The following NYAP2 variants were observed in gnomAD, a reference collection of about 807,000 sequenced individuals.
The protein encoded by NYAP2 is neuronal tyrosine-phosphorylated phosphoinositide-3-kinase adaptor 2.
Under a neutral mutation model 50.4 loss-of-function variants are expected in NYAP2, and 23 were observed. The observed-to-expected ratio is 0.46, with a 90% confidence interval of 0.33 to 0.65. NYAP2 has a LOEUF of 0.65. Among genes scored for constraint, NYAP2 ranks in the 30% least tolerant of loss-of-function variants. NYAP2 has a pLI of 0.02. For synonymous variants in NYAP2, 394 were observed against 365.2 expected, an observed-to-expected ratio of 1.08 and a Z score of -0.90; for missense variants, 885 against 861.0, an observed-to-expected ratio of 1.03 and a Z score of -0.35.
At chr2:225,670,600 T>C in the NYAP2 span, among the ~76,000 whole-genome samples, 2 of 87,538 alleles carry the variant, frequency 2.3e-5, no homozygotes, top group East Asian at 5.8e-4. Context: ...GTCTTCAGTA[T>C]TTTCCAAAAA....
At chr2:225,675,140 AAAATTTCAACTTTTATTATAGTTT>A in the NYAP2 span, among the ~76,000 whole-genome samples, 2 of 152,136 alleles carry the variant, frequency 1.3e-5, no homozygotes, top group African/African-American at 2.4e-5. Context: ...GAACTTTTTA[AAAATTTCAACTTTTATTATAGTTT>A]AAAGTATACA....
At chr2:225,424,238 GT>G (rs1020153950) in intron 3 of NYAP2, among the ~76,000 whole-genome samples, 1 of 152,058 alleles carries the variant, frequency 6.6e-6, no homozygotes, top group Non-Finnish European at 1.5e-5. Flanking sequence ...TAAAATTTAA[GT>G]TTTTATCAAA....
chr2:225,646,005 T>A (rs1362220960), intron 6 of NYAP2, among the ~76,000 whole-genome samples: 4 of 152,228 alleles, frequency 2.6e-5, no homozygotes, highest in African/African-American at 7.2e-5. Flanking sequence ...CAATTGCACT[T>A]TGATGTCACA....
chr2:225,473,701 G>A (rs1383119291), intron 3 of NYAP2, among the ~76,000 whole-genome samples: 2 of 152,106 alleles, frequency 1.3e-5, no homozygotes, highest in African/African-American at 4.8e-5. Context: ...TGTAGATTCT[G>A]GATATTAGCC....
At chr2:225,409,931 T>C (rs1695006795) in intron 3 of NYAP2, among the ~76,000 whole-genome samples, 1 of 152,110 alleles carries the variant, frequency 6.6e-6, no homozygotes, top group African/African-American at 2.4e-5. Context: ...TCCATATCAA[T>C]TAGCTTGATA....
intron 4 of NYAP2, among the ~76,000 whole-genome samples, chr2:225,548,570 G>A (rs1691622091): frequency 6.6e-6 from 1 of 151,212 alleles, no homozygotes; most frequent in Non-Finnish European, 1.5e-5. Context: ...TGCTCGGTGG[G>A]AGCAAACGAA....
Position 225,582,173 on chromosome 2 carries a change from T to G in NYAP2, c.756T>G (p.Ile252Met). 1 of 1,613,954 alleles carries G rather than the reference T, an allele frequency of 6.2e-7. No individual in the cohort carries two copies. The highest frequency in any genetic ancestry group is 8.5e-7 in the Non-Finnish European group (1 of 1,179,874). ...TGTACATCGAGATGGTGGGGAACAT[T>G]CTCAGAGACTTCAGGAAGGAGGACG... The change falls in exon 5 of 7, where the codon ATT becomes ATG. Residue 252 changes from isoleucine (I) to methionine (M), a missense_variant. Coordinates refer to ENST00000636099, the Ensembl canonical transcript of NYAP2. This position sits in a 1 kb window ranked among gnomAD's most constrained non-coding sequence, Gnocchi z 7.0.
chr2:225,486,562 G>T (rs982043144), intron 3 of NYAP2, among the ~76,000 whole-genome samples: 1 of 152,156 alleles, frequency 6.6e-6, no homozygotes, highest in African/African-American at 2.4e-5. Flanking sequence ...AAATCCCACT[G>T]ATTTTCTCCA....
At chr2:225,530,136 G>T (rs74646638) in intron 4 of NYAP2, among the ~76,000 whole-genome samples, 12,391 of 152,128 alleles carry the variant, frequency 0.081, 633 homozygotes, top group Non-Finnish European at 0.12. Flanking sequence ...ACTTTTTCTT[G>T]TTTATACTGC....
exon 4 of NYAP2, chr2:225,513,589 C>T (rs1690873702): frequency 6.3e-7 from 1 of 1,593,514 alleles, no homozygotes; most frequent in Non-Finnish European, 8.6e-7. Flanking sequence ...AAGAGGGACC[C>T]CAGCACCAAG....
intron 6 of NYAP2, among the ~76,000 whole-genome samples, chr2:225,635,147 A>G (rs929437193): frequency 2.0e-5 from 3 of 152,328 alleles, no homozygotes; most frequent in Middle Eastern, 3.4e-3. Context: ...CCATGCACAC[A>G]AGTTTGGAGA....
chr2:225,468,303 T>A (rs1023132178), intron 3 of NYAP2, among the ~76,000 whole-genome samples: 3 of 151,896 alleles, frequency 2.0e-5, no homozygotes, highest in Non-Finnish European at 2.9e-5. Flanking sequence ...AGGCAGAGAT[T>A]GGAATGATGT....
intron 4 of NYAP2, among the ~76,000 whole-genome samples, chr2:225,575,297 A>C (rs1692152329): frequency 6.6e-6 from 1 of 152,156 alleles, no homozygotes; most frequent in Non-Finnish European, 1.5e-5. Flanking sequence ...CTGAGTACCA[A>C]AACCGGTGTA....
chr2:225,611,404 T>C (rs952853109), intron 5 of NYAP2, among the ~76,000 whole-genome samples: 1 of 152,102 alleles, frequency 6.6e-6, no homozygotes, highest in Non-Finnish European at 1.5e-5. Context: ...TCTGACCAGC[T>C]CTGTCTCTTC....
chr2:225,680,259 T>C, the NYAP2 span, among the ~76,000 whole-genome samples: 2 of 152,180 alleles, frequency 1.3e-5, no homozygotes, highest in Non-Finnish European at 2.9e-5. Context: ...TCTGGCAGAA[T>C]GTAATGTGTT....
chr2:225,435,481 A>G (rs1334896062), intron 3 of NYAP2, among the ~76,000 whole-genome samples: 3 of 152,220 alleles, frequency 2.0e-5, no homozygotes, highest in Non-Finnish European at 4.4e-5. Flanking sequence ...AATTGGCTTA[A>G]GTTTTTAATT....
chr2:225,409,840 A>G (rs1695005061), intron 3 of NYAP2, among the ~76,000 whole-genome samples: 1 of 152,098 alleles, frequency 6.6e-6, no homozygotes, highest in South Asian at 2.1e-4. Flanking sequence ...GTACAGAGAG[A>G]GACACCTGTG....
intron 6 of NYAP2, among the ~76,000 whole-genome samples, chr2:225,648,664 T>C (rs989712897): frequency 3.3e-5 from 5 of 151,822 alleles, no homozygotes; most frequent in African/African-American, 1.2e-4. Context: ...TTTAGGAAAA[T>C]GGAGGTGATG....
chr2:225,511,406 A>G (rs1395786683), intron 3 of NYAP2, among the ~76,000 whole-genome samples: 1 of 151,842 alleles, frequency 6.6e-6, no homozygotes, highest in African/African-American at 2.4e-5. Flanking sequence ...TAAAACACAT[A>G]AAAACACTGC....
Sources: gnomAD v4.1 joint callset for allele counts (sites outside exome capture counted in the v4.1 genomes callset) on GRCh38, gnomAD v4.1.1 for gene constraint, Gnocchi (gnomAD v3.1) non-coding constraint, MANE v1.5 for transcripts, NCBI Gene and HGNC (gene_info 2026-07-23, HGNC 2026-07-21) for gene names.